The following UVRAG variants were observed in gnomAD, a reference collection of about 807,000 sequenced individuals.
UVRAG encodes the protein UV radiation resistance-associated gene protein.
Under a neutral mutation model 78.0 loss-of-function variants are expected in UVRAG, and 19 were observed. The observed-to-expected ratio is 0.24, with a 90% CI of 0.17 to 0.36. UVRAG has a LOEUF of 0.36. UVRAG is among the 10% of genes least tolerant of loss of function. The probability of loss-of-function intolerance (pLI) is 1.00; values close to 1 mark genes in which losing one functional copy is unlikely to be tolerated. For synonymous variants in UVRAG, 323 were observed against 324.6 expected, an observed-to-expected ratio of 1.00 and a Z score of 0.05; for missense variants, 740 against 853.8, an observed-to-expected ratio of 0.87 and a Z score of 1.66.
intron 6 of UVRAG, among the ~76,000 whole-genome samples, chr11:75,943,444 T>C (rs960370470): frequency 6.6e-6 from 1 of 152,126 alleles, no homozygotes; most frequent in African/African-American, 2.4e-5. Context: ...TCCTCAAGTG[T>C]GTTTATTGTG....
chr11:75,976,758 TTTC>T (rs1949250965), intron 7 of UVRAG, among the ~76,000 whole-genome samples: 1 of 152,188 alleles, frequency 6.6e-6, no homozygotes, highest in East Asian at 1.9e-4. Context: ...TCTTCCTTCT[TTTC>T]TTCTTTATTA....
chr11:75,867,724 A>G (rs1226027546), intron 3 of UVRAG, among the ~76,000 whole-genome samples: 2 of 152,026 alleles, frequency 1.3e-5, no homozygotes, highest in Non-Finnish European at 2.9e-5. Context: ...TTTGATTTAT[A>G]CTCTCACCCC....
At chr11:75,920,273 C>T (rs1305787684) in intron 6 of UVRAG, among the ~76,000 whole-genome samples, 6 of 151,796 alleles carry the variant, frequency 4.0e-5, no homozygotes, top group Admixed American at 6.6e-5. Flanking sequence ...GATCCACCTG[C>T]CCCGGCCTCC....
At chr11:76,012,361 A>C (rs1281992552) in intron 11 of UVRAG, among the ~76,000 whole-genome samples, 2 of 152,226 alleles carry the variant, frequency 1.3e-5, no homozygotes, top group South Asian at 2.1e-4. Context: ...CAGAGAGATT[A>C]GTTAATTTTT....
intron 13 of UVRAG, among the ~76,000 whole-genome samples, chr11:76,101,733 A>T (rs559208505): frequency 6.6e-6 from 1 of 152,094 alleles, no homozygotes; most frequent in Non-Finnish European, 1.5e-5. Context: ...TAAGTCTTTA[A>T]TCCATCTTGA....
intron 14 of UVRAG, among the ~76,000 whole-genome samples, chr11:76,139,733 G>T (rs1312948705): frequency 6.6e-6 from 1 of 152,072 alleles, no homozygotes; most frequent in Non-Finnish European, 1.5e-5. Context: ...TCCATTAACT[G>T]ATTATTATTT....
chr11:76,017,066 A>AAATTATGAC (rs1950161552), intron 12 of UVRAG, 86 bp downstream of exon 12: 1 of 1,009,390 alleles, frequency 9.9e-7, no homozygotes, highest in Admixed American at 3.3e-5. Context: ...AATGTAATCT[A>AAATTATGAC]AATTATGACA....
rs1186039613 is a variant in UVRAG, at chr11:76,143,979, T to C, written c.*2566T>C. On this transcript the variant is annotated 3_prime_UTR_variant, in exon 15 of 15. Transcript: ENST00000356136. ...ATCAAATGAATATTTGATTGTGTTTTTTCTCTTCACTTCCCCTTAACCACT... is the reference window on the plus strand; with the variant it reads ...ATCAAATGAATATTTGATTGTGTTTCTTCTCTTCACTTCCCCTTAACCACT... Among the ~76,000 whole-genome samples the C allele has an allele frequency of 6.6e-6, 1 of 152,246 alleles. No homozygotes were observed. The highest frequency in any genetic ancestry group is 1.5e-5 in the Non-Finnish European group (1 of 68,052).
intron 13 of UVRAG, among the ~76,000 whole-genome samples, chr11:76,075,098 G>A (rs1951379949): frequency 6.6e-6 from 1 of 152,134 alleles, no homozygotes; most frequent in Non-Finnish European, 1.5e-5. Flanking sequence ...ACAGCCAAAT[G>A]TATGTGACAC....
intron 8 of UVRAG, among the ~76,000 whole-genome samples, chr11:75,985,894 C>T (rs899157882): frequency 1.3e-5 from 2 of 151,960 alleles, no homozygotes; most frequent in African/African-American, 2.4e-5. Context: ...TTTTTCTGGT[C>T]CTTTGCCATT....
chr11:75,821,420 C>T (rs1178620802), intron 1 of UVRAG, among the ~76,000 whole-genome samples: 2 of 152,196 alleles, frequency 1.3e-5, no homozygotes, highest in East Asian at 3.8e-4. Flanking sequence ...TGGCTCACTG[C>T]AGCCTTGACT....
At chr11:76,088,602 C>T (rs942572448) in intron 13 of UVRAG, among the ~76,000 whole-genome samples, 1 of 152,014 alleles carries the variant, frequency 6.6e-6, no homozygotes, top group African/African-American at 2.4e-5. Context: ...CCACTTACCC[C>T]AAAACCTCCG....
intron 14 of UVRAG, among the ~76,000 whole-genome samples, chr11:76,132,904 G>A (rs1487708833): frequency 6.6e-6 from 1 of 152,184 alleles, no homozygotes; most frequent in Non-Finnish European, 1.5e-5. Flanking sequence ...AGATCCTAGG[G>A]ACTGGGAGAG....
intron 7 of UVRAG, among the ~76,000 whole-genome samples, chr11:75,979,027 A>G (rs1358893909): frequency 1.3e-5 from 2 of 152,110 alleles, no homozygotes; most frequent in Non-Finnish European, 2.9e-5. Flanking sequence ...TTGGTCTTCG[A>G]TGATGGTGAC....
At chr11:76,125,829 A>G (rs950625352) in intron 14 of UVRAG, among the ~76,000 whole-genome samples, 2 of 151,910 alleles carry the variant, frequency 1.3e-5, no homozygotes, top group South Asian at 2.1e-4. Context: ...AAAAATCACT[A>G]TTGTATTAGC....
rs190714618 is a variant in UVRAG, at chr11:76,094,479, G to A, written c.1306-21445G>A. On this transcript the variant is annotated intron_variant, in intron 13 of 14. Transcript: ENST00000356136. ...TCCGGTAGAATTTGGCTGTGAATCC[G>A]TCTGGTCCTGGACTTTTTTTGGTTG... Among the ~76,000 whole-genome samples, 1,516 of 152,238 alleles carry A rather than the reference G, an allele frequency of 1.0e-2. 25 individuals carry two copies. Among genetic ancestry groups the A allele is most frequent in the African/African-American group, 0.033 (1,376 of 41,544 alleles).
chr11:76,089,425 A>G (rs1389592306), intron 13 of UVRAG, among the ~76,000 whole-genome samples: 1 of 152,196 alleles, frequency 6.6e-6, no homozygotes, highest in African/African-American at 2.4e-5. Context: ...TAACTGAATT[A>G]CTGGCTTATA....
chr11:76,058,027 A>G (rs1951015161), intron 12 of UVRAG, among the ~76,000 whole-genome samples: 1 of 151,968 alleles, frequency 6.6e-6, no homozygotes, highest in Non-Finnish European at 1.5e-5. Context: ...CTTAACACTT[A>G]TCATAGCCAA....
rs111668664 is a variant in UVRAG, at chr11:75,890,208, G to A, written c.507+1305G>A. Among the ~76,000 whole-genome samples the A allele has an allele frequency of 5.0e-3, 760 of 152,304 alleles. 1 individual carries two copies. Among genetic ancestry groups the A allele is most frequent in the South Asian group, 0.012 (58 of 4,826 alleles). On this transcript the variant is annotated intron_variant, in intron 5 of 14. Transcript: ENST00000356136. ...TCTTTGTGAAAGGAGTTTTAGCACA[G>A]CAGTGTGATTATCAGATTTGCGTTT... is the stretch of plus-strand genomic sequence containing the variant.
Sources: gnomAD v4.1 joint callset for allele counts (sites outside exome capture counted in the v4.1 genomes callset) on GRCh38, gnomAD v4.1.1 for gene constraint, MANE v1.5 for transcripts, NCBI Gene and HGNC (gene_info 2026-07-23, HGNC 2026-07-21) for gene names.